The following MROH1 variants were observed in gnomAD, a reference collection of about 807,000 sequenced individuals.
MROH1 encodes maestro heat-like repeat-containing protein family member 1.
In MROH1, 117 loss-of-function variants were observed where a neutral mutation model predicts 116.5. The observed-to-expected ratio is 1.00, with a 90% CI of 0.86 to 1.17. The LOEUF (loss-of-function observed/expected upper bound fraction) is 1.17. Ranked by LOEUF, MROH1 falls within the 50% of genes most tolerant of loss-of-function variation. MROH1 has a pLI of 0.00. For synonymous variants in MROH1, 921 were observed against 583.9 expected (o/e 1.58, Z -8.32); for missense variants, 1,873 against 1,338.5 (o/e 1.40, Z -6.23).
chr8:144,149,514 G>A (rs1381877988), intron 1 of MROH1, among the ~76,000 whole-genome samples: 7 of 152,242 alleles, frequency 4.6e-5, no homozygotes, highest in African/African-American at 1.7e-4. Context: ...TCCTGTGTCA[G>A]GAAACAGGTG....
At chr8:144,187,397 G>A (rs1037536417) in intron 7 of MROH1, among the ~76,000 whole-genome samples, 1 of 152,066 alleles carries the variant, frequency 6.6e-6, no homozygotes, top group Non-Finnish European at 1.5e-5. Flanking sequence ...GTGACAGACC[G>A]AGACCCTGTC....
Position 144,176,184 on chromosome 8 carries a change from T to G in MROH1, c.169-3271T>G, listed in dbSNP as rs1044014346. 2.6e-5 allele frequency among the ~76,000 whole-genome samples: 4 copies of G among 151,824 alleles called. No individual in the cohort carries two copies. In the East Asian group the frequency reaches 5.8e-4, roughly 22 times the overall value. On this transcript the variant is annotated intron_variant, in intron 4 of 43. Transcript: ENST00000326134. ...TCAAGACCAGCCTGCCTGGCCAACG[T>G]GGCGAAACCTCATTTCTACTGAAAA...
intron 4 of MROH1, among the ~76,000 whole-genome samples, chr8:144,179,195 G>A (rs1347915961): frequency 6.6e-6 from 1 of 151,974 alleles, no homozygotes; most frequent in African/African-American, 2.4e-5. Context: ...TACCCCTGGA[G>A]GAGAGAAGCC....
At chr8:144,222,404 T>G (rs1836961739) in intron 13 of MROH1, among the ~76,000 whole-genome samples, 1 of 152,120 alleles carries the variant, frequency 6.6e-6, no homozygotes, top group Non-Finnish European at 1.5e-5. Flanking sequence ...CCTACGGACC[T>G]GAGCACATCC....
intron 20 of MROH1, 46 bp from the exon 21 acceptor site, chr8:144,240,946 T>C: frequency 1.4e-6 from 1 of 719,050 alleles, no homozygotes; most frequent in Non-Finnish European, 2.6e-6. Flanking sequence ...TGGGTCTCCC[T>C]GTACTCAGGA....
At chr8:144,171,625 G>T (rs1248987432) in intron 4 of MROH1, among the ~76,000 whole-genome samples, 3 of 152,226 alleles carry the variant, frequency 2.0e-5, no homozygotes, top group Non-Finnish European at 4.4e-5. Context: ...CTCTAAGGAA[G>T]CTGCTGTCAC....
chr8:144,199,035 A>C (rs1830519057), intron 10 of MROH1, 87 bp from the exon 11 acceptor site: 2 of 1,308,314 alleles, frequency 1.5e-6, no homozygotes, highest in Non-Finnish European at 2.2e-6. Context: ...CCTTCTGCCC[A>C]GCTGCCCAGG....
chr8:144,200,336 TG>T, intron 11 of MROH1, 91 bp from the exon 12 acceptor site: 1 of 1,026,266 alleles, frequency 9.7e-7, no homozygotes, highest in Non-Finnish European at 1.4e-6. Flanking sequence ...AACTCTCCTC[TG>T]GCTCCTCCCC....
chr8:144,191,856 G>GT lies in MROH1; in HGVS notation c.855+2dup, dbSNP rs756135895. On this transcript the variant is annotated splice_donor_variant, in intron 9 of 43. Coordinates refer to ENST00000326134, the MANE Select transcript of MROH1 (RefSeq NM_032450.3). LOFTEE classifies it high-confidence loss of function. ...CGCAGAGACCTTCTACTTGTCCAAG[G>GT]TATCTGCAGGCAGGGCAGGTCTACT... is the stretch of plus-strand genomic sequence containing the variant. 1.1e-5 allele frequency: 18 copies of GT among 1,613,082 alleles called. No individual in the cohort carries two copies. In the Admixed American group the frequency reaches 2.5e-4, roughly 22 times the overall value.
intron 7 of MROH1, among the ~76,000 whole-genome samples, chr8:144,185,538 G>T (rs1826763770): frequency 6.9e-6 from 1 of 144,034 alleles, no homozygotes; most frequent in Admixed American, 7.0e-5. Context: ...AGATGTGAGG[G>T]GTGGCATGGG....
intron 33 of MROH1, chr8:144,252,182 G>A (rs1842947711): frequency 6.0e-6 from 1 of 167,588 alleles, no homozygotes; most frequent in South Asian, 1.2e-4. Flanking sequence ...GTTCCTGGGA[G>A]TGTCTGTTGG....
intron 12 of MROH1, among the ~76,000 whole-genome samples, chr8:144,201,654 G>A (rs528235477): frequency 1.3e-5 from 2 of 152,304 alleles, no homozygotes; most frequent in Non-Finnish European, 2.9e-5. Flanking sequence ...GTCAGCTGCT[G>A]GGTTGCAAAG....
At position 144,254,454 on chromosome 8, in the gene MROH1, G is replaced by A. The variant is rs912470904; in HGVS notation, c.3429-359G>A. 5.9e-4 allele frequency: 127 copies of A among 215,060 alleles called. No individual in the cohort carries two copies. The East Asian group carries it at 0.014, about 23-fold the overall frequency. 13.3% of individuals were successfully genotyped at this position (215,060 alleles called of 1,614,324 possible). On this transcript the variant is annotated intron_variant, in intron 33 of 43. Coordinates refer to ENST00000326134, the MANE Select transcript of MROH1 (RefSeq NM_032450.3). ...GCACTGCCAGGTCTCCCTGGGAGCT[G>A]CGCTCTTTGACCCTGTGACGTCCTG...
At position 144,254,994 on chromosome 8, in the gene MROH1, G is replaced by A. The variant is rs1275083718; in HGVS notation, c.3594+16G>A. ...GCCTCTCTCGGTGAGTCGGGCTCTC[G>A]GGGCCACCTTGACACGCTGTCCCTG... On this transcript the variant is annotated intron_variant, in intron 34 of 43. Coordinates refer to ENST00000326134, the MANE Select transcript of MROH1 (RefSeq NM_032450.3). The A allele has an allele frequency of 2.6e-5, 19 of 741,032 alleles. No homozygotes were observed. The highest frequency in any genetic ancestry group is 1.1e-4 in the Admixed American group (6 of 54,140). The allele number at this position is 741,032 out of a possible 1,614,324, so 45.9% of individuals were successfully genotyped here. A position where few individuals can be genotyped will look rare whatever the true frequency, so the allele number is the denominator to read the frequency against.
chr8:144,178,647 G>T (rs1047364283), intron 4 of MROH1, among the ~76,000 whole-genome samples: 1 of 152,206 alleles, frequency 6.6e-6, no homozygotes, highest in Non-Finnish European at 1.5e-5. Flanking sequence ...GCCCTGTGCC[G>T]GCCATGTTGC....
rs376257763 is a variant in MROH1 at position 144,230,121 on chromosome 8, C to T, written c.1338+6891C>T. ...TTCTCCATCAGCAATTTCTGCTGCA[C>T]CTTGGTATTTTTGTTATGGAGATGG... On this transcript the variant is annotated intron_variant, in intron 14 of 43. Transcript: ENST00000326134. Among the ~76,000 whole-genome samples the T allele has an allele frequency of 4.2e-3, 647 of 152,272 alleles. 5 individuals carry two copies. The highest frequency in any genetic ancestry group is 0.01 in the Middle Eastern group (3 of 294).
At chr8:144,174,602 G>A (rs1823352311) in intron 4 of MROH1, among the ~76,000 whole-genome samples, 1 of 151,346 alleles carries the variant, frequency 6.6e-6, no homozygotes, top group Non-Finnish European at 1.5e-5. Flanking sequence ...TCCTGCTTCA[G>A]CCTCCGAAGT....
chr8:144,176,052 AAAAT>A (rs886225161), intron 4 of MROH1, among the ~76,000 whole-genome samples: 6 of 151,772 alleles, frequency 4.0e-5, no homozygotes, highest in Non-Finnish European at 5.9e-5. Context: ...CTGTCTCAAA[AAAAT>A]AAATAAATAA....
intron 33 of MROH1, among the ~76,000 whole-genome samples, chr8:144,252,979 C>CATATAT (rs138657169): frequency 1.1e-3 from 156 of 142,710 alleles, no homozygotes; most frequent in African/African-American, 1.8e-3. Flanking sequence ...AAATTTATTT[C>CATATAT]ATATATATAT....
Sources: gnomAD v4.1 joint callset for allele counts (sites outside exome capture counted in the v4.1 genomes callset) on GRCh38, gnomAD v4.1.1 for gene constraint, MANE v1.5 for transcripts, NCBI Gene and HGNC (gene_info 2026-07-23, HGNC 2026-07-21) for gene names.